Variants in SPMIP3 observed in about 807,000 individuals in gnomAD.
SPMIP3 encodes protein SPMIP3.
At chr1:244,366,034 C>G in the SPMIP3 span, among the ~76,000 whole-genome samples, 1 of 152,164 alleles carries the variant, frequency 6.6e-6, no homozygotes, top group Non-Finnish European at 1.5e-5. Context: ...ACCCCACTCC[C>G]CCTTCACCAC....
chr1:244,359,568 A>G, the SPMIP3 span, among the ~76,000 whole-genome samples: 1 of 151,984 alleles, frequency 6.6e-6, no homozygotes, highest in African/African-American at 2.4e-5. Flanking sequence ...CTAAAAATAC[A>G]AAAAATTAGC....
the SPMIP3 span, among the ~76,000 whole-genome samples, chr1:244,354,771 T>C: frequency 8.7e-4 from 132 of 152,358 alleles, no homozygotes; most frequent in African/African-American, 3.1e-3. Context: ...GGAAAGCTTT[T>C]CAGATGCTTC....
At chr1:244,360,448 C>T in the SPMIP3 span, among the ~76,000 whole-genome samples, 1 of 148,052 alleles carries the variant, frequency 6.8e-6, no homozygotes, top group Non-Finnish European at 1.5e-5. Context: ...TTCACAATAG[C>T]CAAGCTATGG....
chr1:244,372,649 T>A, the SPMIP3 span, among the ~76,000 whole-genome samples: 2 of 152,106 alleles, frequency 1.3e-5, no homozygotes, highest in East Asian at 3.9e-4. Context: ...TTCACCGCGT[T>A]AGCCAGGATG....
the SPMIP3 span, chr1:244,378,581 G>T: frequency 1.2e-6 from 2 of 1,614,164 alleles, no homozygotes; most frequent in Admixed American, 3.3e-5. Flanking sequence ...AGCCTGCCGA[G>T]CCATGGTATA....
At chr1:244,387,030 G>A in the SPMIP3 span, among the ~76,000 whole-genome samples, 2 of 152,212 alleles carry the variant, frequency 1.3e-5, no homozygotes, top group Non-Finnish European at 2.9e-5. Flanking sequence ...GCAGCCGGGC[G>A]CAGTGGCTCA....
the SPMIP3 span, among the ~76,000 whole-genome samples, chr1:244,380,721 G>C: frequency 6.6e-5 from 10 of 152,156 alleles, no homozygotes; most frequent in African/African-American, 2.4e-4. Context: ...TCTTTAAAGA[G>C]TGTCTCTTTC....
At chr1:244,361,998 CCTT>C in the SPMIP3 span, among the ~76,000 whole-genome samples, 1 of 152,148 alleles carries the variant, frequency 6.6e-6, no homozygotes, top group Non-Finnish European at 1.5e-5. Context: ...ATTGTTTCTT[CCTT>C]CTTTCTCTTT....
At chr1:244,358,625 G>GTA in the SPMIP3 span, among the ~76,000 whole-genome samples, 1,534 of 92,660 alleles carry the variant, frequency 0.017, 24 homozygotes, top group African/African-American at 0.049. Flanking sequence ...GTGTGTGTGT[G>GTA]TATATATATA....
At chr1:244,354,323 T>C in the SPMIP3 span, among the ~76,000 whole-genome samples, 99 of 151,968 alleles carry the variant, frequency 6.5e-4, no homozygotes, top group African/African-American at 2.3e-3. Context: ...CTGGTTTCAC[T>C]TGGCATTGTA....
the SPMIP3 span, among the ~76,000 whole-genome samples, chr1:244,360,555 CACATGCATGCAT>C: frequency 3.3e-3 from 130 of 39,642 alleles, no homozygotes; most frequent in South Asian, 0.012. Flanking sequence ...CACACACACA[CACATGCATGCAT>C]GGAATATTAT....
chr1:244,364,840 C>T, the SPMIP3 span: 1 of 1,372,702 alleles, frequency 7.3e-7, no homozygotes, highest in Non-Finnish European at 1.0e-6. Flanking sequence ...CATCCTGCTG[C>T]TCAGTGGTCC....
chr1:244,361,185 G>A, the SPMIP3 span, among the ~76,000 whole-genome samples: 1 of 151,532 alleles, frequency 6.6e-6, no homozygotes, highest in Non-Finnish European at 1.5e-5. Context: ...GTAGCACAAT[G>A]GGTGACTATT....
At chr1:244,372,483 C>G in the SPMIP3 span, among the ~76,000 whole-genome samples, 20 of 151,100 alleles carry the variant, frequency 1.3e-4, no homozygotes, top group Middle Eastern at 3.4e-3. Flanking sequence ...TCACTCTGTC[C>G]CCCAGGCTGG....
At chr1:244,387,757 G>C in the SPMIP3 span, among the ~76,000 whole-genome samples, 1 of 152,176 alleles carries the variant, frequency 6.6e-6, no homozygotes, top group Non-Finnish European at 1.5e-5. Context: ...GTGAAGTCCA[G>C]GTGGCCTGGA....
At chr1:244,374,297 G>A in the SPMIP3 span, among the ~76,000 whole-genome samples, 5 of 151,882 alleles carry the variant, frequency 3.3e-5, no homozygotes. Context: ...CCACATGTTA[G>A]CTCAATGATG....
At chr1:244,360,491 G>C in the SPMIP3 span, among the ~76,000 whole-genome samples, 4 of 144,134 alleles carry the variant, frequency 2.8e-5, no homozygotes, top group Non-Finnish European at 6.0e-5. Context: ...TGGATGAATG[G>C]ATAAAGAAAA....
the SPMIP3 span, among the ~76,000 whole-genome samples, chr1:244,382,956 C>A: frequency 6.6e-6 from 1 of 151,842 alleles, no homozygotes; most frequent in Non-Finnish European, 1.5e-5. Context: ...CTCAGGCAGA[C>A]CACTGAGAAA....
the SPMIP3 span, chr1:244,375,535 C>CG: frequency 1.6e-6 from 2 of 1,275,232 alleles, no homozygotes; most frequent in Middle Eastern, 1.9e-4. Flanking sequence ...AAGGGGTCGG[C>CG]GGGGGGAAGA....
Sources: allele counts gnomAD v4.1 joint callset (sites outside exome capture counted in the v4.1 genomes callset), GRCh38; gene constraint gnomAD v4.1.1; transcripts MANE v1.5; gene names NCBI Gene and HGNC (gene_info 2026-07-23, HGNC 2026-07-21).